Variants in KLRG1 observed in about 807,000 individuals in gnomAD.
KLRG1 encodes the protein killer cell lectin-like receptor subfamily G member 1.
KLRG1 carries 16 observed loss-of-function variants against 21.8 expected under a neutral mutation model. That is an observed-to-expected ratio of 0.73 (90% CI 0.50 to 1.11). The LOEUF is 1.11. KLRG1 is among the 50% of genes most tolerant of loss of function. The probability of loss-of-function intolerance (pLI) is 0.00; values close to 1 mark genes in which losing one functional copy is unlikely to be tolerated. For synonymous variants in KLRG1, 69 were observed against 75.9 expected, an observed-to-expected ratio of 0.91 and a Z score of 0.47; for missense variants, 173 against 218.3, an observed-to-expected ratio of 0.79 and a Z score of 1.31.
At position 8,992,280 on chromosome 12, in the gene KLRG1, G is replaced by T. The variant is rs748966709; in HGVS notation, c.157G>T (p.Val53Leu). The T allele has an allele frequency of 1.2e-6, 2 of 1,613,786 alleles. No individual in the cohort carries two copies. The highest frequency in any genetic ancestry group is 1.7e-6 in the Non-Finnish European group (2 of 1,179,824). Residue 53 changes from valine (V) to leucine (L), a missense_variant, in exon 2 of 5, where the codon GTG becomes TTG. Around this residue, in one of 3 missense-constraint regions of KLRG1, gnomAD observed 144 missense variants for 161.5 expected, o/e 0.89. Coordinates refer to ENST00000356986, the MANE Select transcript of KLRG1 (RefSeq NM_005810.4). ...GCTTCTGACTGCAGTTCTTCTGAGT[G>T]TGCTGCTATACCAGTGGATCCTGTG... ...LGLLTAVLLS[V>L]LLYQWILCQG...
the KLRG1 span, among the ~76,000 whole-genome samples, chr12:9,085,452 T>C: frequency 2.6e-5 from 4 of 151,936 alleles, 1 homozygote; most frequent in Admixed American, 1.3e-4. Context: ...AATTCAAAAA[T>C]ATCTTAAGAC....
the KLRG1 span, among the ~76,000 whole-genome samples, chr12:9,075,240 G>C: frequency 6.6e-6 from 1 of 152,094 alleles, no homozygotes; most frequent in Admixed American, 6.6e-5. Context: ...AAATACCAAA[G>C]GCTGACATGG....
chr12:9,153,355 G>A, the KLRG1 span: 111 of 1,603,962 alleles, frequency 6.9e-5, 1 homozygote, highest in African/African-American at 1.3e-3. Context: ...TGGAAGAGAC[G>A]AGTGGACAAC....
At chr12:9,169,602 G>T in the KLRG1 span, 1 of 1,581,666 alleles carries the variant, frequency 6.3e-7, no homozygotes, top group Non-Finnish European at 8.6e-7. Context: ...CTGTAGCAGT[G>T]GGGGGATCAA....
chr12:9,091,303 G>T, the KLRG1 span: 3 of 1,614,178 alleles, frequency 1.9e-6, no homozygotes, highest in Non-Finnish European at 2.5e-6. Flanking sequence ...AGAAGGGCTG[G>T]AAGGCTCGGA....
chr12:9,164,189 C>G, the KLRG1 span: 1 of 1,610,086 alleles, frequency 6.2e-7, no homozygotes, highest in Non-Finnish European at 8.5e-7. Flanking sequence ...TCCACAGATA[C>G]AATAGGATTC....
At chr12:9,143,101 T>C in the KLRG1 span, among the ~76,000 whole-genome samples, 4 of 152,194 alleles carry the variant, frequency 2.6e-5, no homozygotes, top group Admixed American at 6.5e-5. Flanking sequence ...CTCTTTTTCA[T>C]CAGGGGTGAG....
the KLRG1 span, among the ~76,000 whole-genome samples, chr12:9,016,585 T>C: frequency 6.6e-6 from 1 of 152,178 alleles, no homozygotes; most frequent in Non-Finnish European, 1.5e-5. Flanking sequence ...ATTTAGAGAA[T>C]AACTAATACC....
chr12:9,155,281 G>T, the KLRG1 span, among the ~76,000 whole-genome samples: 1 of 152,078 alleles, frequency 6.6e-6, no homozygotes, highest in Non-Finnish European at 1.5e-5. Context: ...TCTGTTTGTT[G>T]TACCTCTTTT....
At chr12:9,169,579 G>A in the KLRG1 span, 3 of 1,611,696 alleles carry the variant, frequency 1.9e-6, no homozygotes, top group Non-Finnish European at 2.5e-6. Context: ...TTCACAGTTA[G>A]CAGATTATAT....
the KLRG1 span, chr12:9,066,621 A>C: frequency 6.6e-6 from 1 of 152,328 alleles, no homozygotes; most frequent in African/African-American, 2.4e-5. Flanking sequence ...AACTCAGGCA[A>C]AGGTGCCACT....
At chr12:8,972,104 C>T (rs1946578527) in intron 1 of KLRG1, among the ~76,000 whole-genome samples, 1 of 152,164 alleles carries the variant, frequency 6.6e-6, no homozygotes. Flanking sequence ...GAAGATTTCC[C>T]CTCTGTTTTC....
chr12:9,110,375 A>G, the KLRG1 span: 2 of 1,240,098 alleles, frequency 1.6e-6, no homozygotes, highest in Non-Finnish European at 2.2e-6. Flanking sequence ...ATTATTTTCA[A>G]ATATTCTTAA....
the KLRG1 span, among the ~76,000 whole-genome samples, chr12:9,031,464 C>T: frequency 1.3e-5 from 2 of 152,152 alleles, no homozygotes; most frequent in South Asian, 4.1e-4. Flanking sequence ...GGGACTTCAA[C>T]GGGCCGCTGC....
chr12:9,079,652 G>C, the KLRG1 span: 1 of 1,613,122 alleles, frequency 6.2e-7, no homozygotes, highest in Non-Finnish European at 8.5e-7. Flanking sequence ...TGTTGAGATA[G>C]CCAATGGCCT....
chr12:9,065,737 T>C, the KLRG1 span: 2 of 152,376 alleles, frequency 1.3e-5, no homozygotes, highest in East Asian at 3.9e-4. Flanking sequence ...GAGAGGTAAC[T>C]TGTGGTGCTG....
chr12:8,976,494 C>G (rs1216934810), intron 1 of KLRG1, among the ~76,000 whole-genome samples: 1 of 152,036 alleles, frequency 6.6e-6, no homozygotes, highest in Non-Finnish European at 1.5e-5. Context: ...TCATGTTGTT[C>G]CAATCAGCTG....
chr12:9,069,630 A>T, the KLRG1 span: 89 of 696,628 alleles, frequency 1.3e-4, 2 homozygotes, highest in Non-Finnish European at 2.0e-4. Context: ...TAACATTAGA[A>T]TTCTCAAATT....
At chr12:8,980,496 G>A (rs943943621) in intron 1 of KLRG1, among the ~76,000 whole-genome samples, 4 of 152,228 alleles carry the variant, frequency 2.6e-5, no homozygotes, top group African/African-American at 4.8e-5. Context: ...GTGTCAATGC[G>A]TTTGAAACAG....
Sources: gnomAD v4.1 joint callset for allele counts (sites outside exome capture counted in the v4.1 genomes callset) on GRCh38, gnomAD v4.1.1 for gene constraint, gnomAD v4.1.1 regional missense constraint, MANE v1.5 for transcripts, NCBI Gene and HGNC (gene_info 2026-07-23, HGNC 2026-07-21) for gene names.